SAMD4A: variants seen among roughly 807,000 people sequenced by gnomAD.
The protein encoded by SAMD4A is sterile alpha motif domain containing 4A.
A neutral mutation model predicts 81.3 loss-of-function variants in SAMD4A; 33 were observed. The ratio of observed to expected loss-of-function variants is 0.41; its 90% CI spans 0.31 to 0.54. The LOEUF is 0.54. Ranked by LOEUF, SAMD4A falls within the 20% of genes least tolerant of loss-of-function variation. The probability of loss-of-function intolerance (pLI) is 0.37; values close to 1 mark genes in which losing one functional copy is unlikely to be tolerated. For synonymous variants in SAMD4A, 389 were observed against 382.1 expected (o/e 1.02, Z -0.21); for missense variants, 854 against 951.1 (o/e 0.90, Z 1.34).
chr14:54,618,705 G>A (rs1171711449), intron 2 of SAMD4A, among the ~76,000 whole-genome samples: 1 of 152,170 alleles, frequency 6.6e-6, no homozygotes, highest in Non-Finnish European at 1.5e-5. Context: ...TTTCCTCAGG[G>A]CTGCTTCTTG....
At chr14:54,697,088 T>C (rs2036595126) in intron 2 of SAMD4A, 1 of 152,238 alleles carries the variant, frequency 6.6e-6, no homozygotes, top group South Asian at 2.1e-4. Context: ...CTCTGGAAGA[T>C]AGTGTGGATG....
intron 2 of SAMD4A, among the ~76,000 whole-genome samples, chr14:54,579,319 A>G (rs141761145): frequency 7.8e-4 from 119 of 152,364 alleles, no homozygotes; most frequent in African/African-American, 2.8e-3. Flanking sequence ...GAATCCCACA[A>G]AGTAGATACT....
At chr14:54,652,417 C>T (rs541333904) in intron 2 of SAMD4A, among the ~76,000 whole-genome samples, 6 of 152,296 alleles carry the variant, frequency 3.9e-5, no homozygotes, top group East Asian at 3.9e-4. Flanking sequence ...CATTCCTCTC[C>T]GATGAGGTGG....
At chr14:54,723,995 T>TGGAAGGAAGGAA (rs1170063084) in intron 3 of SAMD4A, among the ~76,000 whole-genome samples, 3 of 59,552 alleles carry the variant, frequency 5.0e-5, no homozygotes, top group Admixed American at 3.2e-4. Context: ...AAATATTGGA[T>TGGAAGGAAGGAA]GGATGGATGG....
intron 2 of SAMD4A, among the ~76,000 whole-genome samples, chr14:54,623,852 TCTC>T (rs1468904043): frequency 6.6e-6 from 1 of 152,240 alleles, no homozygotes; most frequent in African/African-American, 2.4e-5. Context: ...CAGGGCCCCT[TCTC>T]CTCTAACTTA....
At chr14:54,616,312 AT>A (rs1203546482) in intron 2 of SAMD4A, among the ~76,000 whole-genome samples, 2 of 152,036 alleles carry the variant, frequency 1.3e-5, no homozygotes, top group African/African-American at 2.4e-5. Flanking sequence ...GACAATGCCT[AT>A]TTTTTTTCTT....
intron 9 of SAMD4A, among the ~76,000 whole-genome samples, chr14:54,770,959 A>T (rs1190931075): frequency 6.6e-6 from 1 of 152,160 alleles, no homozygotes; most frequent in East Asian, 1.9e-4. Context: ...AAAAATTAAC[A>T]TTCTATTTTA....
chr14:54,780,786 G>A (rs1039165721), intron 11 of SAMD4A, among the ~76,000 whole-genome samples: 1 of 152,118 alleles, frequency 6.6e-6, no homozygotes, highest in Admixed American at 6.5e-5. Context: ...CTGACCTTCT[G>A]CAGGCTTAGG....
At chr14:54,764,343 C>G (rs984404072) in intron 7 of SAMD4A, 112 bp from the exon 8 acceptor site, 8 of 738,438 alleles carry the variant, frequency 1.1e-5, no homozygotes, top group Non-Finnish European at 1.6e-5. Context: ...TTACATAAAG[C>G]CACAGACACA....
intron 2 of SAMD4A, chr14:54,694,726 G>A (rs2036536310): frequency 1.0e-6 from 1 of 985,442 alleles, no homozygotes. Context: ...GTCATGGCCA[G>A]GAGGTCAGAA....
rs118107223 is a variant in SAMD4A, at chr14:54,637,596, G to A, written c.197-64466G>A. ...AGAGACCTGGGAGTCCGCACCATGTGTCAGCACAGGGAATAGTGAGAAAGA... is the reference window on the plus strand; with the variant it reads ...AGAGACCTGGGAGTCCGCACCATGTATCAGCACAGGGAATAGTGAGAAAGA... On this transcript the variant is annotated intron_variant, in intron 2 of 12. Coordinates refer to ENST00000554335, the MANE Select transcript of SAMD4A (RefSeq NM_015589.6). 6.3e-3 allele frequency among the ~76,000 whole-genome samples: 954 copies of A among 152,260 alleles called. 6 individuals are homozygous for A. Among genetic ancestry groups the A allele is most frequent in the Non-Finnish European group, 0.011 (757 of 68,016 alleles).
At chr14:54,770,405 T>C (rs1309197493) in intron 9 of SAMD4A, among the ~76,000 whole-genome samples, 183 bp downstream of exon 9, 1 of 152,240 alleles carries the variant, frequency 6.6e-6, no homozygotes, top group Non-Finnish European at 1.5e-5. Flanking sequence ...AGAGTGAGCA[T>C]TCCCAGGCGA....
chr14:54,591,881 AT>A (rs1433593750), intron 2 of SAMD4A, among the ~76,000 whole-genome samples: 2 of 152,100 alleles, frequency 1.3e-5, no homozygotes, highest in Non-Finnish European at 2.9e-5. Context: ...CTGGAGTCTG[AT>A]GGGGTTGAAA....
rs111519910 is a variant in SAMD4A, at chr14:54,585,648, A to C, written c.196+17536A>C. ...CATTATATCATTCTTATGTCTTTGC[A>C]TTCACATAGCGTAACTCCCACATAT... On this transcript the variant is annotated intron_variant, in intron 2 of 12. Coordinates refer to ENST00000554335, the MANE Select transcript of SAMD4A (RefSeq NM_015589.6). Among the ~76,000 whole-genome samples, 1,345 of 152,190 alleles carry C rather than the reference A, an allele frequency of 8.8e-3. 14 individuals carry two copies. The highest frequency in any genetic ancestry group is 0.03 in the African/African-American group (1,257 of 41,524).
chr14:54,602,238 C>A (rs772629151), intron 2 of SAMD4A, among the ~76,000 whole-genome samples: 8 of 151,746 alleles, frequency 5.3e-5, no homozygotes, highest in Non-Finnish European at 1.2e-4. Context: ...AATCACTGTA[C>A]AAAGAAGAAG....
intron 11 of SAMD4A, 148 bp downstream of exon 11, chr14:54,776,688 T>G: frequency 6.8e-6 from 7 of 1,025,790 alleles, no homozygotes; most frequent in Non-Finnish European, 9.1e-6. Context: ...AACTGTGCCT[T>G]GCCAGCATGA....
intron 2 of SAMD4A, among the ~76,000 whole-genome samples, chr14:54,620,013 A>G (rs1032889669): frequency 5.9e-5 from 9 of 151,590 alleles, no homozygotes; most frequent in African/African-American, 1.9e-4. Context: ...CATCTAGATG[A>G]CCTTAAATTT....
At chr14:54,586,122 C>T (rs1223077007) in intron 2 of SAMD4A, among the ~76,000 whole-genome samples, 1 of 152,032 alleles carries the variant, frequency 6.6e-6, no homozygotes, top group Non-Finnish European at 1.5e-5. Context: ...TTATTATGGC[C>T]ATTCTTGCAG....
Position 54,788,795 on chromosome 14 carries a change from G to A in SAMD4A, c.2129-121G>A, listed in dbSNP as rs986510532. The A allele has an allele frequency of 4.1e-5, 48 of 1,166,500 alleles. No homozygotes were observed. The East Asian group carries it at 4.7e-4, about 11-fold the overall frequency. 72.3% of individuals were successfully genotyped at this position (1,166,500 alleles called of 1,614,324 possible). On this transcript the variant is annotated intron_variant, in intron 12 of 12. Coordinates refer to ENST00000554335, the MANE Select transcript of SAMD4A (RefSeq NM_015589.6). ...TATGTAAATGCGTGAACACATGAAC[G>A]TAGGTGCCCTTCTCTGCCCTCAGAG... is the stretch of plus-strand genomic sequence containing the variant.
Sources: allele counts gnomAD v4.1 joint callset (sites outside exome capture counted in the v4.1 genomes callset), GRCh38; gene constraint gnomAD v4.1.1; transcripts MANE v1.5; gene names NCBI Gene and HGNC (gene_info 2026-07-23, HGNC 2026-07-21).